The following DOCK3 variants were observed in gnomAD, a reference collection of about 807,000 sequenced individuals.
DOCK3 encodes dedicator of cytokinesis protein 3.
DOCK3 carries 60 observed loss-of-function variants against 265.6 expected under a neutral mutation model. That is an observed-to-expected ratio of 0.23 (90% CI 0.18 to 0.28). The LOEUF (loss-of-function observed/expected upper bound fraction) is 0.28, where lower values mean the gene tolerates loss of function less well. Ranked by LOEUF, DOCK3 falls within the 10% of genes least tolerant of loss-of-function variation. The pLI is 1.00. For missense variants in DOCK3, 1,981 were observed against 2,594.3 expected (o/e 0.76, Z 5.14); for synonymous variants, 881 against 938.0 (o/e 0.94, Z 1.11).
At chr3:51,016,514 CAT>C (rs1485191524) in intron 5 of DOCK3, among the ~76,000 whole-genome samples, 2 of 83,014 alleles carry the variant, frequency 2.4e-5, no homozygotes, top group Non-Finnish European at 4.2e-5. Flanking sequence ...ATATATATAT[CAT>C]ATATTTCTAT....
At chr3:50,856,915 T>C (rs962918925) in intron 3 of DOCK3, among the ~76,000 whole-genome samples, 10 of 152,204 alleles carry the variant, frequency 6.6e-5, no homozygotes, top group Non-Finnish European at 1.5e-4. Flanking sequence ...TATTGAATGC[T>C]TTTTCTGCAT....
intron 12 of DOCK3, among the ~76,000 whole-genome samples, chr3:51,197,776 T>G (rs1199064708): frequency 6.6e-6 from 1 of 151,800 alleles, no homozygotes; most frequent in African/African-American, 2.4e-5. Context: ...CAATAGAGGG[T>G]GGGGTCATTC....
chr3:51,340,220 C>A (rs880477), intron 37 of DOCK3, among the ~76,000 whole-genome samples: 3,069 of 152,278 alleles, frequency 0.02, 109 homozygotes, highest in African/African-American at 0.07. Context: ...AGAAAGAGTG[C>A]TAAGCCTTGT....
intron 12 of DOCK3, among the ~76,000 whole-genome samples, chr3:51,190,454 A>G (rs1177192136): frequency 7.9e-5 from 12 of 152,126 alleles, no homozygotes; most frequent in Admixed American, 7.9e-4. Context: ...CTCAGATGCC[A>G]GTTATAGTAG....
chr3:51,044,836 T>C (rs1352038442), intron 5 of DOCK3, among the ~76,000 whole-genome samples: 1 of 152,198 alleles, frequency 6.6e-6, no homozygotes, highest in Non-Finnish European at 1.5e-5. Flanking sequence ...TAGACTTTTC[T>C]TCAGCAGCTT....
intron 19 of DOCK3, among the ~76,000 whole-genome samples, chr3:51,233,187 G>C (rs1204380640): frequency 6.6e-6 from 1 of 152,152 alleles, no homozygotes; most frequent in Non-Finnish European, 1.5e-5. Flanking sequence ...GATAGGAATA[G>C]TGTTGAATCT....
At chr3:50,904,373 C>A (rs9817388) in intron 4 of DOCK3, among the ~76,000 whole-genome samples, 4 of 152,138 alleles carry the variant, frequency 2.6e-5, no homozygotes, top group African/African-American at 9.7e-5. Context: ...GTTTACAGTC[C>A]CACCAACAGT....
At chr3:51,356,723 A>G (rs1335748836) in intron 43 of DOCK3, among the ~76,000 whole-genome samples, 1 of 152,096 alleles carries the variant, frequency 6.6e-6, no homozygotes, top group Non-Finnish European at 1.5e-5. Flanking sequence ...TGAGAAAACT[A>G]TTCTCTGAGA....
chr3:51,213,443 G>C (rs1444758625), intron 13 of DOCK3, among the ~76,000 whole-genome samples: 1 of 152,142 alleles, frequency 6.6e-6, no homozygotes, highest in Non-Finnish European at 1.5e-5. Flanking sequence ...ACAACTCCAA[G>C]GGTGTAAGTA....
intron 5 of DOCK3, among the ~76,000 whole-genome samples, chr3:51,049,843 G>A (rs2080926794): frequency 2.2e-5 from 1 of 45,018 alleles, no homozygotes; most frequent in Non-Finnish European, 5.9e-5. Flanking sequence ...AAAAAACACT[G>A]TTAGAACTAA....
At chr3:51,338,525 T>A in intron 36 of DOCK3, 106 bp downstream of exon 36, 1 of 1,291,666 alleles carries the variant, frequency 7.7e-7, no homozygotes, top group Non-Finnish European at 1.1e-6. Flanking sequence ...GGCCTAAGGG[T>A]TTGAATCAGG....
intron 2 of DOCK3, among the ~76,000 whole-genome samples, chr3:50,810,226 G>A (rs578173644): frequency 2.1e-3 from 316 of 152,220 alleles, no homozygotes; most frequent in African/African-American, 7.4e-3. Context: ...TATCTAAGTG[G>A]TGGGCAGACA....
chr3:51,126,966 T>C (rs1379944169), intron 9 of DOCK3, among the ~76,000 whole-genome samples: 1 of 151,994 alleles, frequency 6.6e-6, no homozygotes, highest in Admixed American at 6.6e-5. Flanking sequence ...GGTTCTTATA[T>C]ATATATATAT....
intron 32 of DOCK3, among the ~76,000 whole-genome samples, chr3:51,329,604 A>G (rs2084382946): frequency 6.6e-6 from 1 of 152,190 alleles, no homozygotes; most frequent in African/African-American, 2.4e-5. Flanking sequence ...AGGTTCTGTG[A>G]GTACAAACAG....
chr3:50,713,886 A>G (rs892615606), intron 1 of DOCK3, among the ~76,000 whole-genome samples: 1 of 152,154 alleles, frequency 6.6e-6, no homozygotes, highest in African/African-American at 2.4e-5. Context: ...CCAAGTATTA[A>G]TGCTTCTAAA....
intron 1 of DOCK3, among the ~76,000 whole-genome samples, chr3:50,723,899 A>G (rs1294582374): frequency 6.6e-6 from 1 of 152,192 alleles, no homozygotes; most frequent in Non-Finnish European, 1.5e-5. Context: ...CTATCATCAG[A>G]GTTAACAGGA....
At chr3:50,826,395 CT>C (rs1301629611) in intron 2 of DOCK3, among the ~76,000 whole-genome samples, 1 of 152,116 alleles carries the variant, frequency 6.6e-6, no homozygotes, top group Non-Finnish European at 1.5e-5. Context: ...AAGTCTGGGT[CT>C]CCACAACAAA....
chr3:51,372,411 C>G (rs1002079293), intron 49 of DOCK3, among the ~76,000 whole-genome samples: 18 of 152,290 alleles, frequency 1.2e-4, no homozygotes, highest in African/African-American at 4.3e-4. Context: ...CACAGAGCAC[C>G]CCTTTGTGGC....
chr3:51,014,288 G>A (rs1010382578), intron 5 of DOCK3, among the ~76,000 whole-genome samples: 2 of 152,072 alleles, frequency 1.3e-5, no homozygotes, highest in East Asian at 1.9e-4. Flanking sequence ...TTCCTATTTG[G>A]CCATCTTGGA....
Sources: allele counts gnomAD v4.1 joint callset (sites outside exome capture counted in the v4.1 genomes callset), GRCh38; gene constraint gnomAD v4.1.1; transcripts MANE v1.5; gene names NCBI Gene and HGNC (gene_info 2026-07-23, HGNC 2026-07-21).